Variants in ZFHX3 observed in about 807,000 individuals in gnomAD.
ZFHX3 encodes the protein zinc finger homeobox protein 3.
ZFHX3 carries 42 observed loss-of-function variants against 279.1 expected under a neutral mutation model. The observed-to-expected ratio is 0.15, with a 90% CI of 0.12 to 0.19. The LOEUF is 0.19. Among genes scored for constraint, ZFHX3 ranks in the 10% least tolerant of loss-of-function variants. The pLI is 1.00. For missense variants in ZFHX3, 4,981 were observed against 4,754.0 expected, an observed-to-expected ratio of 1.05 and a Z score of -1.40; for synonymous variants, 2,293 against 1,957.8, an observed-to-expected ratio of 1.17 and a Z score of -4.52.
chr16:72,874,214 T>TGA (rs2038244698), intron 4 of ZFHX3, among the ~76,000 whole-genome samples: 1 of 142,938 alleles, frequency 7.0e-6, no homozygotes, highest in Non-Finnish European at 1.5e-5. Flanking sequence ...TTTTTTTTTT[T>TGA]TTTTTTTTTT....
At chr16:73,038,041 G>C (rs1400468333) in intron 1 of ZFHX3, among the ~76,000 whole-genome samples, 1 of 152,166 alleles carries the variant, frequency 6.6e-6, no homozygotes, top group Non-Finnish European at 1.5e-5. Flanking sequence ...TTAGATCTCG[G>C]CCATTAGTAT....
chr16:73,473,073 G>A (rs2018697016), intron 2 of ZFHX3, among the ~76,000 whole-genome samples: 1 of 151,602 alleles, frequency 6.6e-6, no homozygotes, highest in Non-Finnish European at 1.5e-5. Context: ...GGGCACAGTG[G>A]CTCATGCCTC....
chr16:73,234,838 C>G (rs1001602233), intron 5 of ZFHX3, among the ~76,000 whole-genome samples: 5 of 152,168 alleles, frequency 3.3e-5, no homozygotes, highest in Non-Finnish European at 7.4e-5. Flanking sequence ...ATTGCCTCAG[C>G]CTTTGAAGTG....
At chr16:72,880,675 C>G (rs939223417) in intron 4 of ZFHX3, among the ~76,000 whole-genome samples, 1 of 152,136 alleles carries the variant, frequency 6.6e-6, no homozygotes, top group African/African-American at 2.4e-5. Flanking sequence ...ACAGATGGCC[C>G]TGTACCAGGA....
intron 3 of ZFHX3, among the ~76,000 whole-genome samples, chr16:73,377,008 G>C (rs372338668): frequency 9.2e-5 from 12 of 130,740 alleles, no homozygotes; most frequent in African/African-American, 3.6e-4. Context: ...GAGTCACTCT[G>C]TTGCCCAGTC....
At chr16:73,208,886 T>A (rs2011904580) in intron 5 of ZFHX3, among the ~76,000 whole-genome samples, 2 of 152,204 alleles carry the variant, frequency 1.3e-5, no homozygotes. Flanking sequence ...CCAAACAACT[T>A]TGAAATGCCA....
At chr16:73,450,856 C>A (rs954247845) in intron 3 of ZFHX3, among the ~76,000 whole-genome samples, 4 of 152,300 alleles carry the variant, frequency 2.6e-5, no homozygotes, top group Admixed American at 2.0e-4. Flanking sequence ...CCCATTTCTG[C>A]ATTTTCTTAT....
chr16:73,186,496 G>A (rs1967911002), intron 5 of ZFHX3, among the ~76,000 whole-genome samples: 1 of 151,640 alleles, frequency 6.6e-6, no homozygotes. Flanking sequence ...AAGGTATATA[G>A]TAGGTACTCA....
chr16:73,651,503 C>A (rs1192489677), intron 2 of ZFHX3, among the ~76,000 whole-genome samples: 1 of 151,684 alleles, frequency 6.6e-6, no homozygotes, highest in Non-Finnish European at 1.5e-5. Context: ...CTACAGAATA[C>A]TAAAGACAAT....
rs1032734186 is a variant in ZFHX3 at position 73,545,306 on chromosome 16, A to G, written c.-1546-89048T>C. ...CTCTTTCCTTTTCTTCTCAGAATTT[A>G]TCGTCGTTTCTTGATTTTGCCTTTA... On this transcript the variant is annotated intron_variant, in intron 2 of 17. Coordinates refer to the ZFHX3 transcript ENST00000641206. 5.3e-5 allele frequency among the ~76,000 whole-genome samples: 8 copies of G among 152,088 alleles called. No individual in the cohort carries two copies. In the East Asian group the frequency reaches 1.4e-3, roughly 26 times the overall value.
At chr16:72,872,309 A>C (rs995857300) in intron 4 of ZFHX3, among the ~76,000 whole-genome samples, 9 of 152,182 alleles carry the variant, frequency 5.9e-5, no homozygotes, top group Non-Finnish European at 1.5e-5. Flanking sequence ...CAGCACTTGC[A>C]GTTCCCCTCC....
At chr16:73,183,322 C>T (rs1401200597) in intron 5 of ZFHX3, among the ~76,000 whole-genome samples, 1 of 152,054 alleles carries the variant, frequency 6.6e-6, no homozygotes, top group African/African-American at 2.4e-5. Flanking sequence ...TGCATGTGTA[C>T]CCTCTAAATA....
intron 1 of ZFHX3, among the ~76,000 whole-genome samples, chr16:73,856,679 G>T (rs1961736414): frequency 6.6e-6 from 1 of 152,090 alleles, no homozygotes; most frequent in Non-Finnish European, 1.5e-5. Context: ...TTTTTAGACG[G>T]TATTAGAACT....
rs1223470389 is a variant in ZFHX3, at chr16:73,199,009, T to A, written c.-1103-55178A>T. Among the ~76,000 whole-genome samples, 4 of 152,248 alleles carry A rather than the reference T, an allele frequency of 2.6e-5. No homozygotes were observed. In the East Asian group the frequency reaches 7.7e-4, roughly 29 times the overall value. ...AATGTGAGCTCGGGGACTCTCGACT[T>A]TGTGAACGTCCCGTTCAAAACAAAG... On this transcript the variant is annotated intron_variant, in intron 5 of 17. Transcript: ENST00000641206.
chr16:72,958,130 C>A lies in ZFHX3; in HGVS notation c.2016G>T (p.Lys672Asn). 1 of 1,614,186 alleles carries A rather than the reference C, an allele frequency of 6.2e-7. No individual in the cohort carries two copies. The highest frequency in any genetic ancestry group is 8.5e-7 in the Non-Finnish European group (1 of 1,180,024). Residue 672 changes from lysine (K) to asparagine (N), a missense_variant, in exon 2 of 10, where the codon AAG becomes AAT. Physicochemically the swap from Lys to Asn is moderately conservative, Grantham distance 94. Coordinates refer to ENST00000268489, the MANE Select transcript of ZFHX3 (RefSeq NM_006885.4). ...TATAGTGCCAGTTGCACTTGGGGCA[C>A]TTGAGTGTCTTACACGAGTTACGAG... is the stretch of plus-strand genomic sequence containing the variant. The part of the protein sequence containing the change: ...MHSRNSCKTL[K>N]CPKCNWHYKY...
At chr16:73,749,997 T>A (rs960493356) in intron 1 of ZFHX3, among the ~76,000 whole-genome samples, 14 of 152,314 alleles carry the variant, frequency 9.2e-5, no homozygotes, top group Admixed American at 5.9e-4. Flanking sequence ...GTGTCCTATG[T>A]ATCTACTCAC....
chr16:73,808,554 T>C (rs1208113874), intron 1 of ZFHX3: 4 of 152,168 alleles, frequency 2.6e-5, no homozygotes, highest in African/African-American at 9.7e-5. Flanking sequence ...GTGTGGACAA[T>C]GGCACGCTAG....
intron 5 of ZFHX3, among the ~76,000 whole-genome samples, chr16:73,246,231 G>A (rs1297925934): frequency 2.6e-5 from 4 of 152,066 alleles, no homozygotes; most frequent in Non-Finnish European, 5.9e-5. Context: ...TATGAGCCAG[G>A]AGTGAACCAT....
At chr16:73,445,250 GTA>G (rs1206930414) in intron 3 of ZFHX3, among the ~76,000 whole-genome samples, 2 of 149,520 alleles carry the variant, frequency 1.3e-5, no homozygotes, top group East Asian at 3.9e-4. Context: ...ATACATATGT[GTA>G]TATGTGTGTA....
Sources: gnomAD v4.1 joint callset for allele counts (sites outside exome capture counted in the v4.1 genomes callset) on GRCh38, gnomAD v4.1.1 for gene constraint, MANE v1.5 for transcripts, NCBI Gene and HGNC (gene_info 2026-07-23, HGNC 2026-07-21) for gene names.